PAQR5: variants seen among roughly 807,000 people sequenced by gnomAD.
The protein encoded by PAQR5 is membrane progestin receptor gamma.
PAQR5 carries 20 observed loss-of-function variants against 34.5 expected under a neutral mutation model. The observed-to-expected ratio is 0.58, with a 90% confidence interval of 0.41 to 0.84. PAQR5 has a LOEUF of 0.84. PAQR5 is among the 40% of genes least tolerant of loss of function. The pLI is 0.00. For missense variants in PAQR5, 378 were observed against 412.7 expected, an observed-to-expected ratio of 0.92 and a Z score of 0.73; for synonymous variants, 131 against 155.6, an observed-to-expected ratio of 0.84 and a Z score of 1.18.
chr15:69,371,586 G>T (rs1014003889), intron 3 of PAQR5, among the ~76,000 whole-genome samples: 2 of 152,088 alleles, frequency 1.3e-5, no homozygotes, highest in Admixed American at 6.6e-5. Context: ...AGTGTCCGGA[G>T]AAATAATCCC....
chr15:69,372,272 G>A (rs111330511), intron 3 of PAQR5, among the ~76,000 whole-genome samples: 13,761 of 152,146 alleles, frequency 0.09, 1,021 homozygotes, highest in African/African-American at 0.19. Flanking sequence ...GGCCAGGCGC[G>A]GTGGCTCATG....
chr15:69,303,580 C>CCAAT (rs756734295), intron 1 of PAQR5, among the ~76,000 whole-genome samples: 69 of 150,704 alleles, frequency 4.6e-4, no homozygotes, highest in East Asian at 9.8e-4. Flanking sequence ...AAAAGCACAT[C>CCAAT]CAATCAATCA....
intron 1 of PAQR5, among the ~76,000 whole-genome samples, chr15:69,334,277 C>T (rs1456427902): frequency 6.6e-6 from 1 of 152,188 alleles, no homozygotes; most frequent in Non-Finnish European, 1.5e-5. Flanking sequence ...ATCCACCCAC[C>T]TCGGCCTTCC....
chr15:69,368,000 G>A (rs554839712), intron 3 of PAQR5, among the ~76,000 whole-genome samples: 3 of 152,146 alleles, frequency 2.0e-5, no homozygotes, highest in South Asian at 2.1e-4. Flanking sequence ...GGCTCAGTTC[G>A]GAAGAGTCCT....
intron 3 of PAQR5, among the ~76,000 whole-genome samples, chr15:69,373,420 C>T (rs1368596025): frequency 2.6e-5 from 4 of 152,138 alleles, no homozygotes; most frequent in African/African-American, 7.2e-5. Context: ...GAAATCAATG[C>T]CTAAAACTGA....
chr15:69,403,609 T>C lies in PAQR5; in HGVS notation c.780T>C (p.Cys260=), dbSNP rs116775112. 260 of 1,614,046 alleles carry C rather than the reference T, an allele frequency of 1.6e-4. 1 individual carries two copies. The East Asian group carries it at 5.6e-3, about 35-fold the overall frequency. The part of the protein sequence containing the change: ...IGHSHQLFHV[C]VILATHMQME... ...ACAGTCACCAGCTGTTTCACGTGTG[T>C]GTGATCCTGGCCACGCACATGCAGA... Residue 260 remains cysteine, a synonymous_variant, in exon 9 of 9, where the codon TGT becomes TGC. Transcript: ENST00000395407.
chr15:69,383,675 T>C (rs1230019740), intron 4 of PAQR5, among the ~76,000 whole-genome samples: 1 of 92,594 alleles, frequency 1.1e-5, no homozygotes, highest in Non-Finnish European at 2.2e-5. Context: ...CCCTCTGTAT[T>C]CATGGTGGAG....
At chr15:69,348,833 T>C (rs1419643399) in intron 2 of PAQR5, among the ~76,000 whole-genome samples, 2 of 152,116 alleles carry the variant, frequency 1.3e-5, no homozygotes, top group African/African-American at 4.8e-5. Flanking sequence ...CAAAGGGTGA[T>C]TCACAGGGAT....
intron 1 of PAQR5, among the ~76,000 whole-genome samples, chr15:69,329,500 C>G (rs1391289141): frequency 8.2e-6 from 1 of 122,546 alleles, no homozygotes; most frequent in African/African-American, 3.3e-5. Flanking sequence ...GAGAGAGAGC[C>G]TTGCTCTGTC....
intron 3 of PAQR5, among the ~76,000 whole-genome samples, chr15:69,363,322 C>A (rs2055290387): frequency 6.6e-6 from 1 of 152,058 alleles, no homozygotes; most frequent in South Asian, 2.1e-4. Context: ...ATTTAGTCTC[C>A]CTTGTGTCCA....
chr15:69,367,822 C>T (rs1338533392), intron 3 of PAQR5, among the ~76,000 whole-genome samples: 3 of 152,182 alleles, frequency 2.0e-5, no homozygotes, highest in Non-Finnish European at 4.4e-5. Flanking sequence ...CGTTAGAAAC[C>T]TCCACCAGTC....
At chr15:69,326,021 TCTC>T (rs1294491327) in intron 1 of PAQR5, among the ~76,000 whole-genome samples, 1 of 152,022 alleles carries the variant, frequency 6.6e-6, no homozygotes, top group African/African-American at 2.4e-5. Flanking sequence ...AGCCTCAACT[TCTC>T]CTCCAAGATG....
chr15:69,319,504 GA>G (rs916005541), intron 1 of PAQR5, among the ~76,000 whole-genome samples: 3 of 151,782 alleles, frequency 2.0e-5, no homozygotes, highest in African/African-American at 7.3e-5. Context: ...ATAACAGGGT[GA>G]TCCCCAGGCA....
At position 69,394,298 on chromosome 15, in the gene PAQR5, G is replaced by T. The variant is rs900037558; in HGVS notation, c.513-3170G>T. 1.6e-4 allele frequency among the ~76,000 whole-genome samples: 25 copies of T among 152,154 alleles called. 1 individual carries two copies. Among genetic ancestry groups the T allele is most frequent in the Non-Finnish European group, 8.8e-5 (6 of 68,000 alleles). On this transcript the variant is annotated intron_variant, in intron 6 of 8. Coordinates refer to ENST00000395407, the MANE Select transcript of PAQR5 (RefSeq NM_017705.4). ...TTGAGGTCAGCGCTGGAGGTAGAAG[G>T]CTCAGCAGACATGGTTCTCAGACAG...
At chr15:69,330,442 G>A (rs1262498732) in intron 1 of PAQR5, among the ~76,000 whole-genome samples, 2 of 152,136 alleles carry the variant, frequency 1.3e-5, no homozygotes, top group African/African-American at 4.8e-5. Context: ...TATGGTTTAG[G>A]AGTCATGCAG....
At chr15:69,328,129 A>C (rs561995661) in intron 1 of PAQR5, among the ~76,000 whole-genome samples, 1 of 152,276 alleles carries the variant, frequency 6.6e-6, no homozygotes, top group Admixed American at 6.5e-5. Flanking sequence ...GTCATTCAGG[A>C]ATCTAAATTG....
intron 1 of PAQR5, among the ~76,000 whole-genome samples, chr15:69,322,652 C>A (rs2054124376): frequency 2.2e-5 from 1 of 46,172 alleles, no homozygotes; most frequent in Non-Finnish European, 3.5e-5. Context: ...GAGACCCTGT[C>A]TCAAAAAAAA....
intron 1 of PAQR5, among the ~76,000 whole-genome samples, chr15:69,321,502 G>T (rs752670150): frequency 1.3e-5 from 2 of 152,116 alleles, no homozygotes; most frequent in Non-Finnish European, 2.9e-5. Flanking sequence ...CATAACCACA[G>T]TACTATTACT....
At chr15:69,369,745 A>T (rs77171361) in intron 3 of PAQR5, among the ~76,000 whole-genome samples, 7 of 148,462 alleles carry the variant, frequency 4.7e-5, no homozygotes, top group Admixed American at 2.7e-4. Flanking sequence ...TTTGGGAGAG[A>T]TTTTTTTTTT....
Sources: allele counts gnomAD v4.1 joint callset (sites outside exome capture counted in the v4.1 genomes callset), GRCh38; gene constraint gnomAD v4.1.1; transcripts MANE v1.5; gene names NCBI Gene and HGNC (gene_info 2026-07-23, HGNC 2026-07-21).